Variants in DNAAF9 observed in about 807,000 individuals in gnomAD.
The protein encoded by DNAAF9 is dynein axonemal assembly factor 9, also known as shulin.
DNAAF9 carries 90 observed loss-of-function variants against 167.0 expected under a neutral mutation model. The ratio of observed to expected loss-of-function variants is 0.54; its 90% CI spans 0.45 to 0.64. The LOEUF is 0.64. DNAAF9 is among the 30% of genes least tolerant of loss of function. The probability of loss-of-function intolerance (pLI) is 0.00; values close to 1 mark genes in which losing one functional copy is unlikely to be tolerated. For missense variants in DNAAF9, 1,315 were observed against 1,442.2 expected, an observed-to-expected ratio of 0.91 and a Z score of 1.43; for synonymous variants, 491 against 508.8, an observed-to-expected ratio of 0.96 and a Z score of 0.47.
chr20:3,346,642 C>A (rs2070199123), intron 8 of DNAAF9, among the ~76,000 whole-genome samples: 1 of 152,028 alleles, frequency 6.6e-6, no homozygotes, highest in South Asian at 2.1e-4. Flanking sequence ...TGTATTTGCT[C>A]ATTTGTGCAA....
At chr20:3,298,258 T>C in intron 21 of DNAAF9, 83 bp from the exon 22 acceptor site, 2 of 1,076,382 alleles carry the variant, frequency 1.9e-6, no homozygotes, top group Non-Finnish European at 2.8e-6. Flanking sequence ...ACACACAGGA[T>C]CAATTTCAGT....
At chr20:3,289,434 G>A (rs1400884956) in intron 26 of DNAAF9, among the ~76,000 whole-genome samples, 1 of 151,918 alleles carries the variant, frequency 6.6e-6, no homozygotes, top group African/African-American at 2.4e-5. Context: ...GACAGAGAGA[G>A]ACCCCATCTC....
At chr20:3,307,180 C>A in intron 20 of DNAAF9, 2 of 983,032 alleles carry the variant, frequency 2.0e-6, no homozygotes, top group Non-Finnish European at 2.4e-6. Context: ...TCCCACTAGA[C>A]TCTGAAGCCT....
intron 14 of DNAAF9, among the ~76,000 whole-genome samples, chr20:3,324,604 C>G (rs2069677411): frequency 6.6e-6 from 1 of 152,212 alleles, no homozygotes; most frequent in South Asian, 2.1e-4. Context: ...CCAGCTTTGC[C>G]TTTCTAGCCT....
intron 6 of DNAAF9, among the ~76,000 whole-genome samples, chr20:3,367,466 C>A (rs1001207482): frequency 2.6e-5 from 4 of 152,230 alleles, no homozygotes; most frequent in Non-Finnish European, 5.9e-5. Flanking sequence ...TGGCTTTCAA[C>A]ATGCCTCCTT....
At chr20:3,279,673 A>T (rs1327136225) in intron 28 of DNAAF9, among the ~76,000 whole-genome samples, 2 of 152,180 alleles carry the variant, frequency 1.3e-5, no homozygotes, top group Non-Finnish European at 2.9e-5. Context: ...CACAAACATG[A>T]TCTTGCTCTG....
chr20:3,282,344 C>T (rs900264820), intron 27 of DNAAF9, among the ~76,000 whole-genome samples: 1 of 152,140 alleles, frequency 6.6e-6, no homozygotes, highest in African/African-American at 2.4e-5. Flanking sequence ...TCTCCTTTGA[C>T]TCCATTTTTT....
rs2068213484 is a variant in DNAAF9 at position 3,252,676 on chromosome 20, G to A, written c.3430C>T (p.Gln1144Ter). Residue 1144 changes from glutamine to a stop codon, truncating the protein, a stop_gained, in exon 37 of 37, where the codon CAG (glutamine) becomes TAG (stop). Coordinates refer to ENST00000252032, the MANE Select transcript of DNAAF9 (RefSeq NM_001009984.3). LOFTEE classifies it high-confidence loss of function. ...DKTDFHPLMD[Q>*]FMNDYVEEAN... ...TCTTCCACGTAGTCATTCATGAACTGGTCCATGACTGGTATCTCATTAAGG... is the reference window on the plus strand; with the variant it reads ...TCTTCCACGTAGTCATTCATGAACTAGTCCATGACTGGTATCTCATTAAGG... 6.4e-7 allele frequency: 1 copy of A among 1,570,724 alleles called. No individual in the cohort carries two copies. The highest frequency in any genetic ancestry group is 1.3e-5 in the African/African-American group (1 of 74,182).
intron 31 of DNAAF9, 127 bp downstream of exon 31, chr20:3,264,311 G>A: frequency 1.6e-6 from 1 of 625,246 alleles, no homozygotes. Flanking sequence ...GGCCGTGCCA[G>A]CTGCCATGTG....
intron 10 of DNAAF9, among the ~76,000 whole-genome samples, chr20:3,336,455 T>C (rs1315825362): frequency 6.6e-6 from 1 of 151,920 alleles, no homozygotes. Context: ...AGATGGGTGA[T>C]TTCTATTGTT....
intron 12 of DNAAF9, among the ~76,000 whole-genome samples, chr20:3,329,208 C>T (rs909675328): frequency 5.0e-5 from 7 of 140,202 alleles, no homozygotes; most frequent in Admixed American, 4.9e-4. Flanking sequence ...CACTCTGTCA[C>T]CCAGGCTGCG....
intron 11 of DNAAF9, among the ~76,000 whole-genome samples, 176 bp from the exon 12 acceptor site, chr20:3,330,858 C>T (rs529714463): frequency 6.8e-6 from 1 of 147,500 alleles, no homozygotes; most frequent in South Asian, 2.2e-4. Context: ...GTGGCGTAAT[C>T]TCGGCTCACT....
intron 17 of DNAAF9, among the ~76,000 whole-genome samples, chr20:3,317,823 C>T (rs1191950638): frequency 6.6e-6 from 1 of 152,168 alleles, no homozygotes; most frequent in Non-Finnish European, 1.5e-5. Context: ...TCTCAAACTC[C>T]TGACCTCAAG....
Position 3,324,873 on chromosome 20 carries a change from A to T in DNAAF9, c.1265+19T>A, listed in dbSNP as rs1266314137. 1.5e-6 allele frequency: 2 copies of T among 1,354,408 alleles called. No homozygotes were observed. The highest frequency in any genetic ancestry group is 4.6e-5 in the East Asian group (2 of 43,652). 83.9% of individuals were successfully genotyped at this position (1,354,408 alleles called of 1,614,324 possible). The stretch of plus-strand genomic sequence containing the variant: ...CGAAGAAAAAAAATTCCTTATAAAA[A>T]ATATCAGCCATTGCTTACCGCAGGG... On this transcript the variant is annotated intron_variant, in intron 14 of 36. Coordinates refer to ENST00000252032, the MANE Select transcript of DNAAF9 (RefSeq NM_001009984.3).
chr20:3,278,820 A>G, intron 29 of DNAAF9, 92 bp downstream of exon 29: 1 of 968,552 alleles, frequency 1.0e-6, no homozygotes, highest in Non-Finnish European at 1.7e-6. Flanking sequence ...TTTAGATTTC[A>G]GAATGGTAGG....
chr20:3,361,934 A>T, intron 6 of DNAAF9: 1 of 1,520,204 alleles, frequency 6.6e-7, no homozygotes. Flanking sequence ...TATTTTCTTT[A>T]GACATCATTA....
At chr20:3,323,497 G>C (rs989970118) in intron 14 of DNAAF9, among the ~76,000 whole-genome samples, 6 of 152,116 alleles carry the variant, frequency 3.9e-5, no homozygotes, top group African/African-American at 1.4e-4. Flanking sequence ...GGTCAGGATG[G>C]TCTTGAACTC....
chr20:3,364,776 A>G (rs947126313), intron 6 of DNAAF9, among the ~76,000 whole-genome samples: 7 of 152,060 alleles, frequency 4.6e-5, no homozygotes, highest in African/African-American at 1.7e-4. Flanking sequence ...GTGAGTCACA[A>G]TCTTTTTGCT....
chr20:3,395,860 C>T (rs112572160), intron 1 of DNAAF9, among the ~76,000 whole-genome samples: 2,329 of 152,168 alleles, frequency 0.015, 30 homozygotes, highest in Non-Finnish European at 0.024. Flanking sequence ...GAATCTGATA[C>T]GGTTTGCCTG....
Sources: gnomAD v4.1 joint callset for allele counts (sites outside exome capture counted in the v4.1 genomes callset) on GRCh38, gnomAD v4.1.1 for gene constraint, MANE v1.5 for transcripts, NCBI Gene and HGNC (gene_info 2026-07-23, HGNC 2026-07-21) for gene names.